RORA: variants seen among roughly 807,000 people sequenced by gnomAD.
RORA encodes the protein RAR related orphan receptor A, also known as nuclear receptor ROR-alpha.
Under a neutral mutation model 69.5 loss-of-function variants are expected in RORA, and 7 were observed. The observed-to-expected ratio is 0.10, with a 90% CI of 0.06 to 0.19. RORA has a LOEUF of 0.19. Ranked by LOEUF, RORA falls within the 10% of genes least tolerant of loss-of-function variation. The pLI, the probability that RORA is intolerant of heterozygous loss-of-function variation, is 1.00. For missense variants in RORA, 457 were observed against 663.0 expected (o/e 0.69, Z 3.41); for synonymous variants, 261 against 240.8 (o/e 1.08, Z -0.78).
Position 60,825,850 on chromosome 15 carries a change from C to T in RORA, c.167-147164G>A, listed in dbSNP as rs553176444. 1.0e-3 allele frequency among the ~76,000 whole-genome samples: 154 copies of T among 152,290 alleles called. No individual in the cohort carries two copies. In the Middle Eastern group the frequency reaches 0.017, roughly 17 times the overall value. The stretch of plus-strand genomic sequence containing the variant: ...TCTGATTATTGGGCAGAACAAGCAG[C>T]GGCCATCCAGAATAACATGAAGAGT... On this transcript the variant is annotated intron_variant, in intron 1 of 10. Transcript: ENST00000335670.
chr15:61,152,618 G>A (rs2079407166), intron 1 of RORA, among the ~76,000 whole-genome samples: 1 of 151,978 alleles, frequency 6.6e-6, no homozygotes, highest in Admixed American at 6.6e-5. Context: ...TACCATTCTA[G>A]GTGCCGGGGC....
intron 1 of RORA, among the ~76,000 whole-genome samples, chr15:60,908,821 A>T (rs1891619780): frequency 6.6e-6 from 1 of 152,122 alleles, no homozygotes. Context: ...TATGCCCTGC[A>T]TGCTGCTTGG....
At chr15:60,908,866 T>C (rs1378282433) in intron 1 of RORA, among the ~76,000 whole-genome samples, 1 of 152,080 alleles carries the variant, frequency 6.6e-6, no homozygotes, top group Non-Finnish European at 1.5e-5. Flanking sequence ...ACTTTATTTT[T>C]ATTTCATTTC....
At chr15:60,662,798 G>T (rs2070323735) in intron 2 of RORA, among the ~76,000 whole-genome samples, 1 of 152,124 alleles carries the variant, frequency 6.6e-6, no homozygotes, top group South Asian at 2.1e-4. Context: ...TAGATTTCTT[G>T]TCCATTTTTG....
intron 1 of RORA, among the ~76,000 whole-genome samples, chr15:60,881,451 A>C (rs987787130): frequency 6.6e-6 from 1 of 152,244 alleles, no homozygotes; most frequent in Non-Finnish European, 1.5e-5. Flanking sequence ...TGGATGAAAC[A>C]CCATTTTACC....
At chr15:61,180,278 T>C (rs542581515) in intron 1 of RORA, among the ~76,000 whole-genome samples, 1 of 150,268 alleles carries the variant, frequency 6.7e-6, no homozygotes, top group African/African-American at 2.4e-5. Flanking sequence ...GTTTTCATCA[T>C]CAATGGCTTC....
At chr15:60,616,821 G>A (rs775041170) in intron 2 of RORA, among the ~76,000 whole-genome samples, 4 of 152,184 alleles carry the variant, frequency 2.6e-5, no homozygotes, top group Non-Finnish European at 5.9e-5. Context: ...CTGAGTCAGG[G>A]GAAAGGCTGT....
At chr15:60,868,891 C>T (rs1191596015) in intron 1 of RORA, among the ~76,000 whole-genome samples, 2 of 152,156 alleles carry the variant, frequency 1.3e-5, no homozygotes, top group Admixed American at 1.3e-4. Flanking sequence ...TAAAGAGCTG[C>T]TTTCTTCACA....
intron 1 of RORA, among the ~76,000 whole-genome samples, chr15:61,067,697 C>T (rs1298528766): frequency 2.0e-5 from 3 of 152,134 alleles, no homozygotes; most frequent in Non-Finnish European, 4.4e-5. Flanking sequence ...TGTTCTCATC[C>T]GGTACAACAT....
intron 1 of RORA, among the ~76,000 whole-genome samples, chr15:61,160,923 G>T (rs776100994): frequency 1.5e-4 from 23 of 152,110 alleles, no homozygotes; most frequent in African/African-American, 4.6e-4. Context: ...ATGTTTCTGG[G>T]GCAAGTACCA....
chr15:60,547,356 C>G (rs984633776), intron 2 of RORA, among the ~76,000 whole-genome samples: 1 of 149,146 alleles, frequency 6.7e-6, no homozygotes, highest in Non-Finnish European at 1.5e-5. Flanking sequence ...TAGGGTCTCG[C>G]TCTGTCACCC....
Position 60,767,885 on chromosome 15 carries a change from T to C in RORA, c.167-89199A>G, listed in dbSNP as rs188510908. On this transcript the variant is annotated intron_variant, in intron 1 of 10. Coordinates refer to ENST00000335670, the MANE Select transcript of RORA (RefSeq NM_134261.3). Reference sequence around the variant, plus strand: ...CAGGTGTCTCGTGGTAAAAGGTCCGTACACTGGTGGCTTTTCACTGGACTG... The same window carrying C: ...CAGGTGTCTCGTGGTAAAAGGTCCGCACACTGGTGGCTTTTCACTGGACTG... Among the ~76,000 whole-genome samples, 80 of 152,326 alleles carry C rather than the reference T, an allele frequency of 5.3e-4. No homozygotes were observed. In the South Asian group the frequency reaches 9.9e-3, roughly 19 times the overall value.
At chr15:60,542,007 C>T (rs1174800928) in intron 2 of RORA, among the ~76,000 whole-genome samples, 3 of 152,238 alleles carry the variant, frequency 2.0e-5, no homozygotes, top group African/African-American at 7.2e-5. Context: ...CTGCTATCAG[C>T]TATCCACTGT....
chr15:60,884,837 G>C (rs1001998563), intron 1 of RORA, among the ~76,000 whole-genome samples: 8 of 152,152 alleles, frequency 5.3e-5, no homozygotes, highest in East Asian at 1.9e-4. Flanking sequence ...GCCCCCAAAA[G>C]AGCACGGGAG....
chr15:60,810,703 C>G (rs1382281821), intron 1 of RORA, among the ~76,000 whole-genome samples: 1 of 126,160 alleles, frequency 7.9e-6, no homozygotes, highest in Middle Eastern at 4.2e-3. Context: ...CAAGGGTATT[C>G]CACCCTTTCC....
chr15:60,839,904 C>A (rs2073173476), intron 1 of RORA, among the ~76,000 whole-genome samples: 1 of 152,108 alleles, frequency 6.6e-6, no homozygotes, highest in South Asian at 2.1e-4. Flanking sequence ...GCTCTTAGAT[C>A]TTTGCTGTTT....
chr15:60,683,647 T>TACACACACACAC (rs59854874), intron 1 of RORA, among the ~76,000 whole-genome samples: 18,295 of 148,602 alleles, frequency 0.12, 1,131 homozygotes, highest in East Asian at 0.16. Flanking sequence ...CAGATACACA[T>TACACACACACAC]ACACACACAC....
At chr15:60,804,087 G>A (rs1172093405) in intron 1 of RORA, among the ~76,000 whole-genome samples, 1 of 151,942 alleles carries the variant, frequency 6.6e-6, no homozygotes, top group Non-Finnish European at 1.5e-5. Context: ...TCGGGAGTTC[G>A]AGACCAGCCT....
chr15:61,041,268 T>A (rs1489347861), intron 1 of RORA: 1 of 152,180 alleles, frequency 6.6e-6, no homozygotes, highest in East Asian at 1.9e-4. Flanking sequence ...CACTGGTAGG[T>A]TTCACAGCCT....
Sources: gnomAD v4.1 joint callset for allele counts (sites outside exome capture counted in the v4.1 genomes callset) on GRCh38, gnomAD v4.1.1 for gene constraint, MANE v1.5 for transcripts, NCBI Gene and HGNC (gene_info 2026-07-23, HGNC 2026-07-21) for gene names.